The following CNTNAP5 variants were observed in gnomAD, a reference collection of about 807,000 sequenced individuals.
The protein encoded by CNTNAP5 is contactin associated protein family member 5.
Under a neutral mutation model 150.2 loss-of-function variants are expected in CNTNAP5, and 72 were observed. That is an observed-to-expected ratio of 0.48 (90% CI 0.40 to 0.58). The LOEUF is 0.58. Among genes scored for constraint, CNTNAP5 ranks in the 20% least tolerant of loss-of-function variants. The pLI is 0.00. For synonymous variants in CNTNAP5, 672 were observed against 619.8 expected (o/e 1.08, Z -1.25); for missense variants, 1,636 against 1,626.2 (o/e 1.01, Z -0.10).
At chr2:124,909,838 T>TATATATATATATAC in intron 22 of CNTNAP5, among the ~76,000 whole-genome samples, 1 of 140,010 alleles carries the variant, frequency 7.1e-6, no homozygotes, top group African/African-American at 2.6e-5. Flanking sequence ...TATATATATA[T>TATATATATATATAC]ATATATATAT....
In CNTNAP5 at chr2:124,752,582, AG is replaced by A. The variant is rs1382273643; in HGVS notation, c.2234+5201del. Among the ~76,000 whole-genome samples, 5 of 152,322 alleles carry A rather than the reference AG, an allele frequency of 3.3e-5. No individual in the cohort carries two copies. In the East Asian group the frequency reaches 7.7e-4, roughly 24 times the overall value. ...ACCCGTCGGAATTAGCTGATTTCCTAGGGGTTTTTCTATCTCAGCCAAATCA... is the reference window on the plus strand; with the variant it reads ...ACCCGTCGGAATTAGCTGATTTCCTAGGGTTTTTCTATCTCAGCCAAATCA... On this transcript the variant is annotated intron_variant, in intron 14 of 23. Transcript: ENST00000682447.
intron 3 of CNTNAP5, among the ~76,000 whole-genome samples, chr2:124,350,411 A>T (rs2104701593): frequency 6.6e-6 from 1 of 151,892 alleles, no homozygotes; most frequent in South Asian, 2.1e-4. Flanking sequence ...ATATGTATAT[A>T]AATTTAAAGT....
At chr2:124,026,035 C>G (rs1218757034) in intron 1 of CNTNAP5, among the ~76,000 whole-genome samples, 2 of 152,182 alleles carry the variant, frequency 1.3e-5, no homozygotes, top group African/African-American at 2.4e-5. Context: ...TCAGCCAGTG[C>G]TTTTTCCGGA....
chr2:124,670,776 C>T (rs1678808091), intron 13 of CNTNAP5, among the ~76,000 whole-genome samples: 1 of 152,184 alleles, frequency 6.6e-6, no homozygotes, highest in South Asian at 2.1e-4. Flanking sequence ...TTTCAAAATT[C>T]CGTATAAATA....
At position 124,374,603 on chromosome 2, in the gene CNTNAP5, T is replaced by C. The variant is rs150787899; in HGVS notation, c.382-42840T>C. Reference sequence around the variant, plus strand: ...AAGTATTCTAGGCAAAGGTTTAAGATGACTTAATCGATGATCTGTGAGTGC... The same window carrying C: ...AAGTATTCTAGGCAAAGGTTTAAGACGACTTAATCGATGATCTGTGAGTGC... On this transcript the variant is annotated intron_variant, in intron 3 of 23. Coordinates refer to ENST00000682447, the MANE Select transcript of CNTNAP5 (RefSeq NM_001367498.1). Among the ~76,000 whole-genome samples, 27 of 152,272 alleles carry C rather than the reference T, an allele frequency of 1.8e-4. 1 individual carries two copies. In the East Asian group the frequency reaches 4.6e-3, roughly 26 times the overall value.
intron 11 of CNTNAP5, among the ~76,000 whole-genome samples, chr2:124,569,515 C>A (rs1204211337): frequency 1.3e-5 from 2 of 152,094 alleles, no homozygotes; most frequent in Non-Finnish European, 2.9e-5. Context: ...ACATCTGATT[C>A]ATTAAACTGT....
intron 22 of CNTNAP5, among the ~76,000 whole-genome samples, chr2:124,904,211 T>A (rs1288477767): frequency 6.6e-6 from 1 of 152,206 alleles, no homozygotes; most frequent in Non-Finnish European, 1.5e-5. Flanking sequence ...ATTCCACATA[T>A]AAGTTATATC....
intron 21 of CNTNAP5, among the ~76,000 whole-genome samples, chr2:124,902,040 A>T (rs1167850900): frequency 2.0e-5 from 3 of 152,178 alleles, no homozygotes; most frequent in Admixed American, 6.6e-5. Flanking sequence ...CCATCTCGGT[A>T]CGTGAAGACT....
In CNTNAP5 at chr2:124,298,230, G is replaced by A. The variant is rs141774391; in HGVS notation, c.381+55837G>A. 2.2e-3 allele frequency among the ~76,000 whole-genome samples: 341 copies of A among 152,188 alleles called. 1 individual carries two copies. Among genetic ancestry groups the A allele is most frequent in the African/African-American group, 7.9e-3 (330 of 41,532 alleles). ...ACATAGGTAAACTTGTGTCATGGAG[G>A]TTTGTTATACAGATTATTTCATCAC... On this transcript the variant is annotated intron_variant, in intron 3 of 23. Coordinates refer to ENST00000682447, the MANE Select transcript of CNTNAP5 (RefSeq NM_001367498.1).
chr2:124,140,321 C>A (rs1462456708), intron 1 of CNTNAP5, among the ~76,000 whole-genome samples: 3 of 151,820 alleles, frequency 2.0e-5, no homozygotes, highest in Non-Finnish European at 4.4e-5. Flanking sequence ...TCTGTAGGCT[C>A]CACCTCTGGG....
intron 1 of CNTNAP5, among the ~76,000 whole-genome samples, chr2:124,179,506 G>C (rs574861601): frequency 1.3e-5 from 2 of 152,042 alleles, no homozygotes; most frequent in Non-Finnish European, 2.9e-5. Context: ...CTTAGGAAAA[G>C]GTATGAAGGC....
At chr2:124,215,747 A>G (rs1016677215) in intron 1 of CNTNAP5, among the ~76,000 whole-genome samples, 4 of 151,100 alleles carry the variant, frequency 2.6e-5, no homozygotes, top group South Asian at 2.1e-4. Context: ...GAGAAATTCA[A>G]ATTATCCTGA....
intron 13 of CNTNAP5, among the ~76,000 whole-genome samples, chr2:124,648,941 A>C (rs2105029104): frequency 6.6e-6 from 1 of 152,356 alleles, no homozygotes; most frequent in Admixed American, 6.5e-5. Flanking sequence ...ACAAAGGGGA[A>C]ATCATAGAAA....
At chr2:124,028,185 T>A (rs1680949405) in intron 1 of CNTNAP5, among the ~76,000 whole-genome samples, 1 of 152,158 alleles carries the variant, frequency 6.6e-6, no homozygotes, top group Non-Finnish European at 1.5e-5. Flanking sequence ...ACTAACCCAA[T>A]ATTTTCCATA....
chr2:124,576,603 C>A (rs561532573), intron 11 of CNTNAP5, among the ~76,000 whole-genome samples: 4 of 151,990 alleles, frequency 2.6e-5, no homozygotes, highest in African/African-American at 9.7e-5. Context: ...GAAAACAAAC[C>A]CGTTCTGTAT....
intron 21 of CNTNAP5, among the ~76,000 whole-genome samples, chr2:124,887,638 C>T (rs917073085): frequency 6.6e-6 from 1 of 152,242 alleles, no homozygotes; most frequent in African/African-American, 2.4e-5. Flanking sequence ...GCAATTATAG[C>T]TGGGGAATCT....
chr2:124,748,713 G>A (rs1041702868), intron 14 of CNTNAP5, among the ~76,000 whole-genome samples: 1 of 152,130 alleles, frequency 6.6e-6, no homozygotes, highest in African/African-American at 2.4e-5. Flanking sequence ...AAAGGACCAG[G>A]CATCTGTCTT....
chr2:124,274,698 A>T (rs1484878971), intron 3 of CNTNAP5, among the ~76,000 whole-genome samples: 2 of 151,054 alleles, frequency 1.3e-5, no homozygotes, highest in Non-Finnish European at 3.0e-5. Context: ...AAATAGCAGA[A>T]GTTTTCTTTT....
At chr2:124,439,759 T>G (rs764083180) in intron 5 of CNTNAP5, among the ~76,000 whole-genome samples, 12 of 152,272 alleles carry the variant, frequency 7.9e-5, no homozygotes, top group Middle Eastern at 3.4e-3. Context: ...CCAACAAAGT[T>G]GAAAGGGGGT....
Sources: gnomAD v4.1 joint callset for allele counts (sites outside exome capture counted in the v4.1 genomes callset) on GRCh38, gnomAD v4.1.1 for gene constraint, MANE v1.5 for transcripts, NCBI Gene and HGNC (gene_info 2026-07-23, HGNC 2026-07-21) for gene names.